The following CPAP variants were observed in gnomAD, a reference collection of about 807,000 sequenced individuals.
CPAP encodes centrosome assembly and centriole elongation protein, also known as centrosomal P4.1-associated protein.
chr13:24,932,615 C>G, the CPAP span, among the ~76,000 whole-genome samples: 1 of 152,178 alleles, frequency 6.6e-6, no homozygotes, highest in Non-Finnish European at 1.5e-5. Flanking sequence ...CATAATGAGT[C>G]TTTTTGAATG....
the CPAP span, among the ~76,000 whole-genome samples, chr13:24,919,448 G>T: frequency 2.0e-5 from 3 of 151,964 alleles, no homozygotes; most frequent in Non-Finnish European, 4.4e-5. Flanking sequence ...TTGAGACAGG[G>T]TCTCACTGTC....
chr13:24,898,628 AAAG>A, the CPAP span, among the ~76,000 whole-genome samples: 1 of 152,214 alleles, frequency 6.6e-6, no homozygotes, highest in Non-Finnish European at 1.5e-5. Flanking sequence ...CCACAAAAAT[AAAG>A]AAGGAGAATT....
chr13:24,883,073 C>CT, the CPAP span: 1 of 1,047,784 alleles, frequency 9.5e-7, no homozygotes, highest in Non-Finnish European at 1.5e-6. Flanking sequence ...AGAATCTAAT[C>CT]TTTTCCCCAC....
At chr13:24,927,021 G>T in the CPAP span, among the ~76,000 whole-genome samples, 1 of 152,160 alleles carries the variant, frequency 6.6e-6, no homozygotes, top group African/African-American at 2.4e-5. Context: ...GAATCAATTG[G>T]CTGGGTAAAA....
At chr13:24,896,171 A>T in the CPAP span, among the ~76,000 whole-genome samples, 2 of 152,252 alleles carry the variant, frequency 1.3e-5, no homozygotes, top group African/African-American at 4.8e-5. Context: ...ACCAGCAAGA[A>T]ATAATGAATA....
chr13:24,885,452 AGG>A, the CPAP span: 7 of 1,241,312 alleles, frequency 5.6e-6, no homozygotes, highest in Non-Finnish European at 8.3e-6. Context: ...ATTCTGATAT[AGG>A]GTTCTAGGAC....
At chr13:24,912,683 G>A in the CPAP span, 2 of 1,614,086 alleles carry the variant, frequency 1.2e-6, no homozygotes, top group Non-Finnish European at 1.7e-6. Context: ...TGGTGTCCAG[G>A]AGCACTGTGA....
the CPAP span, chr13:24,923,004 G>C: frequency 6.6e-6 from 1 of 152,344 alleles, no homozygotes; most frequent in African/African-American, 2.4e-5. Flanking sequence ...TGGACTGCGC[G>C]CCGCCTTCCG....
chr13:24,893,506 C>T, the CPAP span, among the ~76,000 whole-genome samples: 1 of 152,232 alleles, frequency 6.6e-6, no homozygotes, highest in Admixed American at 6.5e-5. Flanking sequence ...TGCCCCTGCA[C>T]CTCAGTAATC....
At chr13:24,909,452 C>T in the CPAP span, among the ~76,000 whole-genome samples, 2 of 151,634 alleles carry the variant, frequency 1.3e-5, no homozygotes, top group Non-Finnish European at 2.9e-5. Context: ...CACTTGAACC[C>T]GAGAGGCAGA....
chr13:24,919,959 A>G, the CPAP span, among the ~76,000 whole-genome samples: 1,135 of 150,098 alleles, frequency 7.6e-3, 15 homozygotes, highest in African/African-American at 0.026. Flanking sequence ...TTTTGTAGAA[A>G]CAGGGTGTCC....
At chr13:24,892,939 G>T in the CPAP span, 1 of 1,084,964 alleles carries the variant, frequency 9.2e-7, no homozygotes, top group South Asian at 1.3e-5. Flanking sequence ...GAAGAATAGA[G>T]ACCCAGCAAT....
chr13:24,892,229 C>T, the CPAP span, among the ~76,000 whole-genome samples: 1 of 152,232 alleles, frequency 6.6e-6, no homozygotes, highest in Admixed American at 6.5e-5. Context: ...GCGTGCCACT[C>T]TTGGCCAAAA....
At chr13:24,921,548 G>A in the CPAP span, among the ~76,000 whole-genome samples, 10 of 152,204 alleles carry the variant, frequency 6.6e-5, no homozygotes, top group African/African-American at 2.4e-4. Flanking sequence ...CTGGATATCT[G>A]TTATTCCTGA....
chr13:24,915,674 G>T, the CPAP span, among the ~76,000 whole-genome samples: 1 of 152,034 alleles, frequency 6.6e-6, no homozygotes, highest in Non-Finnish European at 1.5e-5. Flanking sequence ...GTGTGGTGGC[G>T]GGAGCCTGTA....
At chr13:24,900,587 A>T in the CPAP span, among the ~76,000 whole-genome samples, 1 of 152,184 alleles carries the variant, frequency 6.6e-6, no homozygotes, top group Non-Finnish European at 1.5e-5. Context: ...GGTTGCAGTG[A>T]GCCGAGATCG....
chr13:24,889,370 T>C, the CPAP span: 1 of 1,611,884 alleles, frequency 6.2e-7, no homozygotes, highest in African/African-American at 1.3e-5. Flanking sequence ...CCTGAAGAAA[T>C]CTGACTGTTT....
At chr13:24,906,807 G>A in the CPAP span, 325 of 1,614,052 alleles carry the variant, frequency 2.0e-4, no homozygotes, top group Non-Finnish European at 2.6e-4. Context: ...TTAAACAGCG[G>A]CTGGTCCTCG....
chr13:24,911,663 A>T, the CPAP span, among the ~76,000 whole-genome samples: 1 of 150,816 alleles, frequency 6.6e-6, no homozygotes, highest in Non-Finnish European at 1.5e-5. Flanking sequence ...CAGTCTCCAG[A>T]GTAGCTAGGA....
Sources: allele counts gnomAD v4.1 joint callset (sites outside exome capture counted in the v4.1 genomes callset), GRCh38; gene constraint gnomAD v4.1.1; transcripts MANE v1.5; gene names NCBI Gene and HGNC (gene_info 2026-07-23, HGNC 2026-07-21).